RBFOX2: variants seen among roughly 807,000 people sequenced by gnomAD.
The protein encoded by RBFOX2 is RNA binding protein fox-1 homolog 2.
A neutral mutation model predicts 49.1 loss-of-function variants in RBFOX2; 10 were observed. The observed-to-expected ratio is 0.20, with a 90% CI of 0.13 to 0.35. The LOEUF is 0.35. RBFOX2 is among the 10% of genes least tolerant of loss of function. The pLI is 1.00. For synonymous variants in RBFOX2, 183 were observed against 187.4 expected, an observed-to-expected ratio of 0.98 and a Z score of 0.19; for missense variants, 323 against 486.9, an observed-to-expected ratio of 0.66 and a Z score of 3.17.
chr22:35,792,344 A>G (rs1401047861), intron 2 of RBFOX2, among the ~76,000 whole-genome samples: 1 of 121,922 alleles, frequency 8.2e-6, no homozygotes, highest in Non-Finnish European at 1.6e-5. Flanking sequence ...AGAAAAGAAA[A>G]GAAAAGAAAA....
chr22:35,932,278 A>G (rs2149688323), intron 1 of RBFOX2, among the ~76,000 whole-genome samples: 1 of 152,320 alleles, frequency 6.6e-6, no homozygotes, highest in African/African-American at 2.4e-5. Context: ...AAATTTGACT[A>G]AAATAAAGTT....
chr22:35,968,836 G>A (rs1321416156), intron 1 of RBFOX2, among the ~76,000 whole-genome samples: 1 of 152,204 alleles, frequency 6.6e-6, no homozygotes, highest in African/African-American at 2.4e-5. Flanking sequence ...TAAAGACATT[G>A]TAGGGAGTCT....
At chr22:35,832,927 G>A (rs988045900) in intron 1 of RBFOX2, among the ~76,000 whole-genome samples, 7 of 152,130 alleles carry the variant, frequency 4.6e-5, no homozygotes, top group African/African-American at 1.7e-4. Flanking sequence ...TTTCAAAATA[G>A]CTAGAAGGGG....
At chr22:35,879,199 C>G (rs2045555225) in intron 1 of RBFOX2, among the ~76,000 whole-genome samples, 1 of 152,160 alleles carries the variant, frequency 6.6e-6, no homozygotes. Flanking sequence ...GAAACAAGTA[C>G]AGTAAGCCCT....
In RBFOX2 at chr22:35,981,136, C is replaced by T. The variant is rs115620284; in HGVS notation, c.187-42239G>A. On this transcript the variant is annotated intron_variant, in intron 1 of 13. Transcript: ENST00000438146. ...ACGTTATGGTAGTAATTATTATCTT[C>T]ATTTTACTAATGAAAAAACTGAGGC... Among the ~76,000 whole-genome samples the T allele has an allele frequency of 2.6e-3, 396 of 152,282 alleles. 4 individuals are homozygous for T. The highest frequency in any genetic ancestry group is 9.3e-3 in the African/African-American group (387 of 41,560).
chr22:35,765,155 A>G (rs1940512379), intron 6 of RBFOX2, among the ~76,000 whole-genome samples: 1 of 150,574 alleles, frequency 6.6e-6, no homozygotes, highest in Non-Finnish European at 1.5e-5. Flanking sequence ...GTGGGATCCA[A>G]TTTGGGTTAA....
At chr22:35,996,037 G>C (rs2058176740) in intron 1 of RBFOX2, 1 of 152,200 alleles carries the variant, frequency 6.6e-6, no homozygotes. Context: ...GCAACTAGGA[G>C]GGAAGGAGGA....
chr22:35,987,416 C>T (rs62232606), intron 1 of RBFOX2, among the ~76,000 whole-genome samples: 3 of 152,164 alleles, frequency 2.0e-5, no homozygotes, highest in Non-Finnish European at 2.9e-5. Context: ...TGAGCTCATA[C>T]ATTTAAAAAC....
At chr22:35,800,698 GTT>G (rs200249057) in intron 2 of RBFOX2, among the ~76,000 whole-genome samples, 3 of 147,558 alleles carry the variant, frequency 2.0e-5, no homozygotes, top group African/African-American at 7.4e-5. Flanking sequence ...ATTGTACCTA[GTT>G]TTTTTTTTTT....
At chr22:35,769,460 T>C (rs1366669301) in intron 4 of RBFOX2, among the ~76,000 whole-genome samples, 1 of 152,188 alleles carries the variant, frequency 6.6e-6, no homozygotes. Flanking sequence ...ATTTACTATA[T>C]ACTTATATGA....
At chr22:35,834,049 CAG>C (rs1957232709) in intron 1 of RBFOX2, among the ~76,000 whole-genome samples, 1 of 152,160 alleles carries the variant, frequency 6.6e-6, no homozygotes, top group Non-Finnish European at 1.5e-5. Flanking sequence ...AGAAATGAAT[CAG>C]AGTCTCAACT....
intron 1 of RBFOX2, among the ~76,000 whole-genome samples, chr22:35,951,436 G>C (rs571409274): frequency 1.3e-5 from 2 of 151,376 alleles, no homozygotes; most frequent in Non-Finnish European, 2.9e-5. Context: ...GTAGAGACGG[G>C]GTTTCTCTAT....
At chr22:35,932,312 G>A (rs2052521353) in intron 1 of RBFOX2, among the ~76,000 whole-genome samples, 2 of 151,526 alleles carry the variant, frequency 1.3e-5, no homozygotes, top group African/African-American at 4.8e-5. Flanking sequence ...TGAAAAAACT[G>A]GTTAGAAAAA....
intron 4 of RBFOX2, among the ~76,000 whole-genome samples, chr22:35,777,001 A>G (rs1250326470): frequency 2.0e-5 from 3 of 151,876 alleles, no homozygotes. Flanking sequence ...TTAAAATAGT[A>G]AATAGGGGAA....
exon 1 of RBFOX2, chr22:35,840,472 C>T: frequency 7.1e-7 from 1 of 1,405,548 alleles, no homozygotes; most frequent in South Asian, 1.6e-5. Context: ...AAGGAAGCCC[C>T]ACCCCTGAAT....
chr22:35,821,314 T>C (rs1266831546), intron 1 of RBFOX2, among the ~76,000 whole-genome samples: 1 of 152,030 alleles, frequency 6.6e-6, no homozygotes, highest in Non-Finnish European at 1.5e-5. Flanking sequence ...AAAGCAGCAG[T>C]AGCCTGGCCA....
chr22:35,916,819 C>T (rs1028943450), intron 1 of RBFOX2, among the ~76,000 whole-genome samples: 3 of 151,150 alleles, frequency 2.0e-5, no homozygotes, highest in African/African-American at 7.3e-5. Context: ...TGCAGCAAGC[C>T]GAGATCACGC....
intron 1 of RBFOX2, among the ~76,000 whole-genome samples, chr22:35,928,739 C>G (rs1355203686): frequency 6.6e-6 from 1 of 152,102 alleles, no homozygotes; most frequent in Non-Finnish European, 1.5e-5. Context: ...ATAAAGACTT[C>G]TTACAACTCA....
At chr22:35,927,315 A>G (rs2051764793) in intron 1 of RBFOX2, among the ~76,000 whole-genome samples, 1 of 152,182 alleles carries the variant, frequency 6.6e-6, no homozygotes, top group African/African-American at 2.4e-5. Context: ...TATATAAAGC[A>G]GAAGAAAGGC....
Sources: allele counts gnomAD v4.1 joint callset (sites outside exome capture counted in the v4.1 genomes callset), GRCh38; gene constraint gnomAD v4.1.1; transcripts MANE v1.5; gene names NCBI Gene and HGNC (gene_info 2026-07-23, HGNC 2026-07-21).